Variants in RRAGC observed in about 807,000 individuals in gnomAD.
RRAGC encodes the protein ras-related GTP-binding protein C.
Under a neutral mutation model 37.1 loss-of-function variants are expected in RRAGC, and 8 were observed. That is an observed-to-expected ratio of 0.22 (90% CI 0.13 to 0.39). The LOEUF is 0.39. Ranked by LOEUF, RRAGC falls within the 10% of genes least tolerant of loss-of-function variation. The pLI, the probability that RRAGC is intolerant of heterozygous loss-of-function variation, is 1.00. For synonymous variants in RRAGC, 190 were observed against 181.1 expected (o/e 1.05, Z -0.39); for missense variants, 342 against 497.6 (o/e 0.69, Z 2.98).
Position 38,839,630 on chromosome 1 carries a change from T to C in RRAGC, c.1123A>G (p.Arg375Gly), listed in dbSNP as rs1484313141. 6.2e-7 allele frequency: 1 copy of C among 1,614,198 alleles called. No individual in the cohort carries two copies. The highest frequency in any genetic ancestry group is 1.1e-5 in the South Asian group (1 of 91,090). ...GCACTAGTCTGGTGACCACAGCTCC[T>C]GTGAGAAGTCACACCCACCTCAAAA... ...EVFEVGVTSHRSCGHQTSASS... is the reference protein window; with the variant it reads ...EVFEVGVTSHGSCGHQTSASS... Residue 375 changes from arginine to glycine, a missense_variant, in exon 7 of 7, where the codon AGG becomes GGG. Transcript: ENST00000373001.
intron 5 of RRAGC, among the ~76,000 whole-genome samples, chr1:38,848,286 T>C (rs1055748182): frequency 6.6e-6 from 1 of 152,174 alleles, no homozygotes; most frequent in Non-Finnish European, 1.5e-5. Flanking sequence ...TCTCAGCTTA[T>C]AGTTAAGATG....
At position 38,841,263 on chromosome 1, in the gene RRAGC, T is replaced by C. The variant is rs1030400764; in HGVS notation, c.1049-1559A>G. ...TAACTGAGAAGCTCTCCAGGAAACATGATTGAAGTGTGTGGGAATGAGGGC... is the reference window on the plus strand; with the variant it reads ...TAACTGAGAAGCTCTCCAGGAAACACGATTGAAGTGTGTGGGAATGAGGGC... On this transcript the variant is annotated intron_variant, in intron 6 of 6. Coordinates refer to ENST00000373001, the MANE Select transcript of RRAGC (RefSeq NM_022157.4). 3.3e-5 allele frequency among the ~76,000 whole-genome samples: 5 copies of C among 152,160 alleles called. No homozygotes were observed. The South Asian group carries it at 6.2e-4, about 19-fold the overall frequency.
chr1:38,859,345 C>T (rs80329256), intron 1 of RRAGC, 65 bp downstream of exon 1: 11 of 1,425,836 alleles, frequency 7.7e-6, no homozygotes, highest in African/African-American at 1.4e-5. Context: ...CCCTCCCGGG[C>T]GTCCCCGCTA....
In RRAGC at chr1:38,859,638, C is replaced by T; in HGVS notation, c.9G>A (p.Leu3=). Residue 3 remains leucine, a synonymous_variant, in exon 1 of 7, where the codon CTG becomes CTA. Transcript: ENST00000373001. MS[L]QYGAEETPLA... ...GGGGCGTCTCCTCCGCCCCGTACTGCAGGGACATGGTGCTGGAGCCGCCGC... is the reference window on the plus strand; with the variant it reads ...GGGGCGTCTCCTCCGCCCCGTACTGTAGGGACATGGTGCTGGAGCCGCCGC... The T allele has an allele frequency of 6.4e-7, 1 of 1,558,016 alleles. No homozygotes were observed. Among genetic ancestry groups the T allele is most frequent in the Non-Finnish European group, 8.7e-7 (1 of 1,152,622 alleles).
chr1:38,839,334 T>C lies in RRAGC; in HGVS notation c.*219A>G, dbSNP rs1641922012. 1 of 393,536 alleles carries C rather than the reference T, an allele frequency of 2.5e-6. No individual in the cohort carries two copies. The highest frequency in any genetic ancestry group is 3.8e-5 in the East Asian group (1 of 26,078). 24.4% of individuals were successfully genotyped at this position (393,536 alleles called of 1,614,324 possible). A position where few individuals can be genotyped will look rare whatever the true frequency, so the allele number is the denominator to read the frequency against. On this transcript the variant is annotated 3_prime_UTR_variant, in exon 7 of 7. Transcript: ENST00000373001. ...TTGAGTTCTGTGGTCTCCAGAATTT[T>C]TTTTTTTTTTTTTTGCCATTTTCAA...
intron 1 of RRAGC, among the ~76,000 whole-genome samples, chr1:38,858,361 G>A (rs1642192871): frequency 2.0e-5 from 3 of 152,164 alleles, no homozygotes; most frequent in Non-Finnish European, 2.9e-5. Context: ...CGTATAATGG[G>A]TTTGGCTGAT....
At chr1:38,841,002 C>T (rs1176548999) in intron 6 of RRAGC, among the ~76,000 whole-genome samples, 1 of 152,170 alleles carries the variant, frequency 6.6e-6, no homozygotes, top group Non-Finnish European at 1.5e-5. Context: ...TTAAAAACCA[C>T]TACCTTTTAG....
chr1:38,850,311 G>A (rs1323807366), intron 5 of RRAGC, among the ~76,000 whole-genome samples: 1 of 151,984 alleles, frequency 6.6e-6, no homozygotes, highest in East Asian at 1.9e-4. Flanking sequence ...GAAATCGATC[G>A]AGACCATCCT....
chr1:38,852,172 C>T (rs532359227), intron 4 of RRAGC, among the ~76,000 whole-genome samples: 5 of 152,296 alleles, frequency 3.3e-5, no homozygotes, highest in South Asian at 2.1e-4. Context: ...AAGAATTACA[C>T]GTTGACATCA....
intron 6 of RRAGC, among the ~76,000 whole-genome samples, chr1:38,840,017 G>A (rs932155368): frequency 3.9e-5 from 6 of 151,902 alleles, no homozygotes; most frequent in African/African-American, 7.3e-5. Flanking sequence ...GCATGGTGGC[G>A]GGCACCTGTA....
At chr1:38,851,004 A>G (rs956034592) in intron 5 of RRAGC, among the ~76,000 whole-genome samples, 3 of 152,166 alleles carry the variant, frequency 2.0e-5, no homozygotes, top group Non-Finnish European at 2.9e-5. Flanking sequence ...AATTCTCCAA[A>G]GTTTTCACCA....
chr1:38,852,680 G>A, intron 3 of RRAGC, 192 bp from the exon 4 acceptor site: 2 of 391,376 alleles, frequency 5.1e-6, no homozygotes, highest in East Asian at 4.6e-5. Flanking sequence ...TCTCTTTACT[G>A]CATTTACACA....
At chr1:38,840,642 T>C (rs1641952086) in intron 6 of RRAGC, among the ~76,000 whole-genome samples, 1 of 151,972 alleles carries the variant, frequency 6.6e-6, no homozygotes, top group Non-Finnish European at 1.5e-5. Flanking sequence ...ACGATTTAAT[T>C]AGGCAGAAAA....
chr1:38,857,255 A>C (rs915447431), intron 1 of RRAGC, among the ~76,000 whole-genome samples, 173 bp from the exon 2 acceptor site: 2 of 152,222 alleles, frequency 1.3e-5, no homozygotes, highest in African/African-American at 4.8e-5. Context: ...TTTTGACAAA[A>C]GAAGACACCA....
intron 3 of RRAGC, among the ~76,000 whole-genome samples, chr1:38,853,605 G>T (rs146838300): frequency 1.3e-3 from 203 of 152,288 alleles, no homozygotes; most frequent in Non-Finnish European, 2.3e-3. Flanking sequence ...AAATTAGCCA[G>T]GCGTGGTGGC....
chr1:38,852,771 C>A, intron 3 of RRAGC: 1 of 184,968 alleles, frequency 5.4e-6, no homozygotes, highest in Non-Finnish European at 1.1e-5. Flanking sequence ...GCAATCTGAT[C>A]CAAAAAGCTT....
chr1:38,847,556 G>T (rs6679612), intron 5 of RRAGC: 2 of 151,266 alleles, frequency 1.3e-5, no homozygotes, highest in Non-Finnish European at 2.9e-5. Context: ...TATATTTTCC[G>T]TGTATTTTTT....
intron 4 of RRAGC, among the ~76,000 whole-genome samples, 166 bp from the exon 5 acceptor site, chr1:38,851,923 G>A (rs1557586975): frequency 6.6e-6 from 1 of 152,118 alleles, no homozygotes; most frequent in Non-Finnish European, 1.5e-5. Flanking sequence ...ATTATCCAAA[G>A]AATGAAAGAG....
chr1:38,843,467 T>A (rs1222371009), intron 6 of RRAGC, among the ~76,000 whole-genome samples: 1 of 152,118 alleles, frequency 6.6e-6, no homozygotes, highest in Non-Finnish European at 1.5e-5. Flanking sequence ...ACTCCTGCAA[T>A]CCCAGCACTT....
Sources: gnomAD v4.1 joint callset for allele counts (sites outside exome capture counted in the v4.1 genomes callset) on GRCh38, gnomAD v4.1.1 for gene constraint, MANE v1.5 for transcripts, NCBI Gene and HGNC (gene_info 2026-07-23, HGNC 2026-07-21) for gene names.